Variants in DDB1 observed in about 807,000 individuals in gnomAD.
DDB1 encodes the protein damage specific DNA binding protein 1.
Under a neutral mutation model 133.1 loss-of-function variants are expected in DDB1, and 18 were observed. That is an observed-to-expected ratio of 0.14 (90% CI 0.09 to 0.20). DDB1 has a LOEUF of 0.20. DDB1 is among the 10% of genes least tolerant of loss of function. The pLI, the probability that DDB1 is intolerant of heterozygous loss-of-function variation, is 1.00. For synonymous variants in DDB1, 580 were observed against 550.5 expected (o/e 1.05, Z -0.75); for missense variants, 828 against 1,459.2 (o/e 0.57, Z 7.05).
intron 10 of DDB1, among the ~76,000 whole-genome samples, chr11:61,316,789 T>C (rs1856075526): frequency 6.6e-6 from 1 of 150,508 alleles, no homozygotes; most frequent in Non-Finnish European, 1.5e-5. Flanking sequence ...CTAGGTGTGG[T>C]GGCACAAAAC....
chr11:61,302,981 G>C, intron 23 of DDB1, 65 bp downstream of exon 23: 1 of 1,449,716 alleles, frequency 6.9e-7, no homozygotes, highest in Admixed American at 1.7e-5. Flanking sequence ...CCCAATGCTT[G>C]CATCCACCAG....
intron 1 of DDB1, 38 bp downstream of exon 1, chr11:61,332,870 C>A: frequency 6.9e-7 from 1 of 1,452,554 alleles, no homozygotes; most frequent in South Asian, 1.3e-5. Flanking sequence ...CCCCCCAACT[C>A]CCTCACTCGC....
rs1374701766 is a variant in DDB1 at position 61,314,197 on chromosome 11, C to T, written c.1603G>A (p.Glu535Lys). ...ATGTCCAAGCAAGCCACTTCATGTT[C>T]CATCTCTGTGTGGCTGAACAAAGAA... ...ELRQISHTEM[E>K]HEVACLDITP... Residue 535 changes from glutamate (E) to lysine (K), a missense_variant, in exon 14 of 27, where the codon GAA becomes AAA. Glu to Lys is a moderately conservative substitution (Grantham distance 56). This residue lies in a region of DDB1 where 396 missense variants were observed against 554.1 expected (regional missense o/e 0.71). Transcript: ENST00000301764. 1 of 1,605,936 alleles carries T rather than the reference C, an allele frequency of 6.2e-7. No homozygotes were observed. The highest frequency in any genetic ancestry group is 1.3e-5 in the African/African-American group (1 of 74,802).
chr11:61,323,883 TA>T (rs1856225475), intron 7 of DDB1, 95 bp downstream of exon 7: 1 of 1,390,822 alleles, frequency 7.2e-7, no homozygotes, highest in Non-Finnish European at 1.0e-6. Context: ...AGGTGTTAAG[TA>T]ACATAATTCC....
chr11:61,316,980 T>TAC (rs1856093680), intron 10 of DDB1, among the ~76,000 whole-genome samples: 2 of 68,380 alleles, frequency 2.9e-5, no homozygotes, highest in Admixed American at 3.3e-4. Context: ...TATATATATA[T>TAC]ATATATATAT....
intron 7 of DDB1, 34 bp from the exon 8 acceptor site, chr11:61,323,128 A>G (rs528141594): frequency 1.9e-6 from 3 of 1,574,790 alleles, no homozygotes; most frequent in East Asian, 4.5e-5. Context: ...AAGAAATGAG[A>G]ATGGACCCTA....
At chr11:61,308,953 A>C in intron 21 of DDB1, 30 bp downstream of exon 21, 1 of 1,608,776 alleles carries the variant, frequency 6.2e-7, no homozygotes, top group Non-Finnish European at 8.5e-7. Flanking sequence ...TGGGCAGCCT[A>C]AAGTAAGTAC....
chr11:61,329,274 T>C (rs901050745), intron 4 of DDB1, 89 bp downstream of exon 4: 8 of 1,174,474 alleles, frequency 6.8e-6, no homozygotes, highest in Non-Finnish European at 9.0e-6. Flanking sequence ...CTTCTCTCTA[T>C]CCTACCAAAC....
chr11:61,302,613 C>T lies in DDB1; in HGVS notation c.3081G>A (p.Ser1027=), dbSNP rs1447814492. Residue 1027 remains serine (S), a synonymous_variant, in exon 24 of 27, where the codon TCG becomes TCA. Transcript: ENST00000301764. The part of the protein sequence containing the change: ...LGETSTPTQG[S]VLFGTVNGMI... Reference sequence around the variant, plus strand: ...TGCCGTTGACCGTGCCGAAGAGCACCGAGCCTTGTGTGGGGGTGGAAGTCT... The same window carrying T: ...TGCCGTTGACCGTGCCGAAGAGCACTGAGCCTTGTGTGGGGGTGGAAGTCT... 5.0e-6 allele frequency: 8 copies of T among 1,614,142 alleles called. No individual in the cohort carries two copies. The highest frequency in any genetic ancestry group is 5.1e-6 in the Non-Finnish European group (6 of 1,180,034).
chr11:61,300,312 C>T (rs975509867), intron 26 of DDB1, 93 bp from the exon 27 acceptor site: 1 of 1,287,000 alleles, frequency 7.8e-7, no homozygotes, highest in Non-Finnish European at 1.1e-6. Context: ...AGGCACAAGA[C>T]TCCACCATTG....
chr11:61,316,672 A>C, intron 10 of DDB1, 105 bp from the exon 11 acceptor site: 809 of 1,195,384 alleles, frequency 6.8e-4, no homozygotes, highest in Non-Finnish European at 9.1e-4. Context: ...CTATAATCTC[A>C]ACACTTGGGA....
At chr11:61,302,889 G>A (rs1201118648) in intron 23 of DDB1, 138 bp from the exon 24 acceptor site, 1 of 1,320,696 alleles carries the variant, frequency 7.6e-7, no homozygotes, top group Non-Finnish European at 1.1e-6. Flanking sequence ...CCAGTCTAAA[G>A]AGGTGGATTT....
intron 4 of DDB1, among the ~76,000 whole-genome samples, chr11:61,328,101 G>A (rs1456819292): frequency 6.6e-6 from 1 of 152,106 alleles, no homozygotes; most frequent in Non-Finnish European, 1.5e-5. Flanking sequence ...AGAACAACCA[G>A]CCTTGAATAA....
Position 61,316,946 on chromosome 11 carries a change from GATAT to G in DDB1, c.1226-383_1226-380del, listed in dbSNP as rs58564398. ...AAAAAAAAAAAAAAAAAAAAGGATA[GATAT>G]ATATATATATATATATATATATATA... is the stretch of plus-strand genomic sequence containing the variant. On this transcript the variant is annotated intron_variant, in intron 10 of 26. Transcript: ENST00000301764. Among the ~76,000 whole-genome samples, 51 of 29,062 alleles carry G rather than the reference GATAT, an allele frequency of 1.8e-3. 1 individual carries two copies. Among genetic ancestry groups the G allele is most frequent in the African/African-American group, 2.5e-3 (12 of 4,720 alleles). 19.1% of individuals were successfully genotyped at this position (29,062 alleles called of 152,430 possible). A position where few individuals can be genotyped will look rare whatever the true frequency, so the allele number is the denominator to read the frequency against.
chr11:61,301,086 T>C (rs1565237690), intron 25 of DDB1, 154 bp from the exon 26 acceptor site: 6 of 1,138,472 alleles, frequency 5.3e-6, no homozygotes, highest in Non-Finnish European at 6.1e-6. Flanking sequence ...ATTTTTGGAA[T>C]TGAAAAAAAT....
At chr11:61,309,410 G>A (rs1431912278) in intron 20 of DDB1, among the ~76,000 whole-genome samples, 3 of 152,120 alleles carry the variant, frequency 2.0e-5, no homozygotes, top group African/African-American at 7.2e-5. Flanking sequence ...TGGGTGTAAC[G>A]AGAAAAGATA....
intron 10 of DDB1, among the ~76,000 whole-genome samples, chr11:61,317,131 T>C (rs1565034418): frequency 6.6e-6 from 1 of 151,870 alleles, no homozygotes; most frequent in Non-Finnish European, 1.5e-5. Context: ...CTTGTTTTTT[T>C]TGAGACGGAG....
At chr11:61,316,944 T>C (rs1317753288) in intron 10 of DDB1, among the ~76,000 whole-genome samples, 5 of 14,786 alleles carry the variant, frequency 3.4e-4, no homozygotes, top group African/African-American at 8.0e-4. Context: ...AAAAAAAGGA[T>C]AGATATATAT....
At chr11:61,320,195 TTTTC>T (rs138247807) in intron 10 of DDB1, among the ~76,000 whole-genome samples, 5 of 150,646 alleles carry the variant, frequency 3.3e-5, no homozygotes, top group Admixed American at 6.6e-5. Context: ...TATACTTCTC[TTTTC>T]TTTTTTTCTT....
Sources: gnomAD v4.1 joint callset for allele counts (sites outside exome capture counted in the v4.1 genomes callset) on GRCh38, gnomAD v4.1.1 for gene constraint, gnomAD v4.1.1 regional missense constraint, MANE v1.5 for transcripts, NCBI Gene and HGNC (gene_info 2026-07-23, HGNC 2026-07-21) for gene names.